The following HS3ST2 variants were observed in gnomAD, a reference collection of about 807,000 sequenced individuals.
HS3ST2 encodes heparan sulfate glucosamine 3-O-sulfotransferase 2.
Under a neutral mutation model 26.3 loss-of-function variants are expected in HS3ST2, and 17 were observed. That is an observed-to-expected ratio of 0.65 (90% CI 0.44 to 0.97). The LOEUF is 0.97. Among genes scored for constraint, HS3ST2 ranks in the 50% least tolerant of loss-of-function variants. The pLI, the probability that HS3ST2 is intolerant of heterozygous loss-of-function variation, is 0.00. For missense variants in HS3ST2, 402 were observed against 501.2 expected (o/e 0.80, Z 1.89); for synonymous variants, 237 against 219.2 (o/e 1.08, Z -0.72).
At chr16:22,864,585 AG>A (rs968771738) in intron 1 of HS3ST2, among the ~76,000 whole-genome samples, 1 of 152,088 alleles carries the variant, frequency 6.6e-6, no homozygotes, top group African/African-American at 2.4e-5. Context: ...CTGGGGGTGA[AG>A]GGGCTGCTCA....
In HS3ST2 at chr16:22,818,610, C is replaced by T. The variant is rs1900909487; in HGVS notation, c.485+3515C>T. On this transcript the variant is annotated intron_variant, in intron 1 of 1. Transcript: ENST00000261374. ...ATAGTTCCATACTTTCCTCTTTATTCCTTCCCTTCCCTTCCTCCTTCCCTC... is the reference window on the plus strand; with the variant it reads ...ATAGTTCCATACTTTCCTCTTTATTTCTTCCCTTCCCTTCCTCCTTCCCTC... Among the ~76,000 whole-genome samples, 4 of 151,470 alleles carry T rather than the reference C, an allele frequency of 2.6e-5. No individual in the cohort carries two copies. The South Asian group carries it at 8.3e-4, about 32-fold the overall frequency.
At chr16:22,824,987 T>C (rs114150298) in intron 1 of HS3ST2, among the ~76,000 whole-genome samples, 234 of 152,062 alleles carry the variant, frequency 1.5e-3, no homozygotes, top group African/African-American at 5.2e-3. Flanking sequence ...CAAAGACAGA[T>C]CTTATTGGAG....
intron 1 of HS3ST2, among the ~76,000 whole-genome samples, chr16:22,817,343 G>T (rs1900885517): frequency 6.6e-6 from 1 of 152,054 alleles, no homozygotes; most frequent in Non-Finnish European, 1.5e-5. Flanking sequence ...TCAGGAAAAG[G>T]CTGTGTGGTT....
chr16:22,837,630 A>AAC (rs34064588), intron 1 of HS3ST2, among the ~76,000 whole-genome samples: 37,624 of 148,164 alleles, frequency 0.25, 5,809 homozygotes, highest in African/African-American at 0.43. Context: ...TATACACACA[A>AAC]ACACACACAC....
At chr16:22,847,792 T>A (rs1195726034) in intron 1 of HS3ST2, among the ~76,000 whole-genome samples, 44 of 98,178 alleles carry the variant, frequency 4.5e-4, no homozygotes, top group South Asian at 6.1e-4. Context: ...GGAAGAAGAA[T>A]AAGAAAGAGG....
intron 1 of HS3ST2, among the ~76,000 whole-genome samples, chr16:22,835,249 C>T (rs1177311526): frequency 6.6e-6 from 1 of 151,966 alleles, no homozygotes; most frequent in Admixed American, 6.6e-5. Flanking sequence ...CTTTATTCCC[C>T]TGTTACTTCC....
chr16:22,830,914 T>C (rs570137307), intron 1 of HS3ST2, among the ~76,000 whole-genome samples: 8 of 152,340 alleles, frequency 5.3e-5, no homozygotes, highest in African/African-American at 1.9e-4. Context: ...TATATCACCA[T>C]CCTAAATGAG....
rs1318904249 is a variant in HS3ST2, at chr16:22,814,838, C to G, written c.228C>G (p.Ser76=). 2 of 1,568,432 alleles carry G rather than the reference C, an allele frequency of 1.3e-6. No homozygotes were observed. Among genetic ancestry groups the G allele is most frequent in the East Asian group, 4.7e-5 (2 of 42,258 alleles). ...LLQKSRPCDP[S]GPTPSEPSAP... is the part of the protein sequence containing the mutation. The stretch of plus-strand genomic sequence containing the variant: ...AGAAGTCCCGCCCCTGTGATCCCTC[C>G]GGGCCGACGCCCAGCGAGCCCAGCG... The change falls in exon 1 of 2, where the codon TCC becomes TCG. Residue 76 remains serine, a synonymous_variant. Coordinates refer to ENST00000261374, the MANE Select transcript of HS3ST2 (RefSeq NM_006043.2).
At chr16:22,861,052 T>G (rs1331641204) in intron 1 of HS3ST2, among the ~76,000 whole-genome samples, 1 of 151,882 alleles carries the variant, frequency 6.6e-6, no homozygotes, top group East Asian at 1.9e-4. Flanking sequence ...TTTTAAAAAT[T>G]TTTTTGTAGA....
chr16:22,868,364 AGG>A (rs1901785487), intron 1 of HS3ST2, among the ~76,000 whole-genome samples: 1 of 143,954 alleles, frequency 6.9e-6, no homozygotes, highest in Non-Finnish European at 1.5e-5. Context: ...AGCCAAGATC[AGG>A]CCACTGCACT....
chr16:22,915,164 C>T lies in HS3ST2; in HGVS notation c.706C>T (p.Arg236Cys). The T allele has an allele frequency of 6.2e-7, 1 of 1,614,094 alleles. No homozygotes were observed. The highest frequency in any genetic ancestry group is 8.5e-7 in the Non-Finnish European group (1 of 1,180,006). The change falls in exon 2 of 2, where the codon CGC becomes TGC. Residue 236 changes from arginine to cysteine, a missense_variant. Physicochemically the swap from Arg to Cys is radical, Grantham distance 180 (BLOSUM62 -3). This residue lies in a region of HS3ST2 where 237 missense variants were observed against 346.6 expected (regional missense o/e 0.68). Coordinates refer to ENST00000261374, the MANE Select transcript of HS3ST2 (RefSeq NM_006043.2). Reference sequence around the variant, plus strand: ...CTTTGAGGGCCTCTCCTTCCGCAACCGCACCCTGGGCCTGGTGGACGTGTC... The same window carrying T: ...CTTTGAGGGCCTCTCCTTCCGCAACTGCACCCTGGGCCTGGTGGACGTGTC... ...PTFEGLSFRN[R>C]TLGLVDVSWN...
At chr16:22,832,957 T>A (rs554298532) in intron 1 of HS3ST2, among the ~76,000 whole-genome samples, 5 of 151,930 alleles carry the variant, frequency 3.3e-5, no homozygotes, top group African/African-American at 7.2e-5. Flanking sequence ...TGCTGCCCAG[T>A]CAGAACACCC....
chr16:22,903,182 G>T (rs1345178501), intron 1 of HS3ST2, among the ~76,000 whole-genome samples: 1 of 152,044 alleles, frequency 6.6e-6, no homozygotes, highest in Non-Finnish European at 1.5e-5. Context: ...AGTCACACTT[G>T]AATCTGGATT....
chr16:22,895,138 G>A (rs1902192028), intron 1 of HS3ST2, among the ~76,000 whole-genome samples: 1 of 150,060 alleles, frequency 6.7e-6, no homozygotes, highest in Non-Finnish European at 1.5e-5. Flanking sequence ...TGCCCAGACT[G>A]GAGTGCAGTG....
intron 1 of HS3ST2, among the ~76,000 whole-genome samples, chr16:22,860,528 C>A (rs1055694955): frequency 2.0e-5 from 3 of 152,108 alleles, no homozygotes; most frequent in Non-Finnish European, 4.4e-5. Context: ...TATTTTTGAG[C>A]AATGATCACT....
chr16:22,897,555 C>T (rs954231522), intron 1 of HS3ST2, among the ~76,000 whole-genome samples: 37 of 152,300 alleles, frequency 2.4e-4, no homozygotes, highest in South Asian at 1.5e-3. Flanking sequence ...ACATTTTCTA[C>T]CTTCACTATG....
intron 1 of HS3ST2, among the ~76,000 whole-genome samples, chr16:22,819,887 A>G (rs999336164): frequency 1.3e-5 from 2 of 152,274 alleles, no homozygotes; most frequent in African/African-American, 4.8e-5. Context: ...TGCAAACCTT[A>G]GAAAAAAATA....
chr16:22,829,603 G>T (rs557858421), intron 1 of HS3ST2, among the ~76,000 whole-genome samples: 2 of 152,182 alleles, frequency 1.3e-5, no homozygotes, highest in South Asian at 4.2e-4. Context: ...ACATGTCTGT[G>T]GGCTGGATGG....
intron 1 of HS3ST2, among the ~76,000 whole-genome samples, chr16:22,824,341 G>A (rs141111195): frequency 6.6e-6 from 1 of 152,174 alleles, no homozygotes; most frequent in Non-Finnish European, 1.5e-5. Context: ...GAGGTCAGGA[G>A]ATCGAGACCA....
Sources: allele counts gnomAD v4.1 joint callset (sites outside exome capture counted in the v4.1 genomes callset), GRCh38; gene constraint gnomAD v4.1.1; regional missense constraint gnomAD v4.1.1; transcripts MANE v1.5; gene names NCBI Gene and HGNC (gene_info 2026-07-23, HGNC 2026-07-21).